MYT1L: variants seen among roughly 807,000 people sequenced by gnomAD.
The protein encoded by MYT1L is myelin transcription factor 1 like, also known as myelin transcription factor 1-like protein.
MYT1L carries 12 observed loss-of-function variants against 126.7 expected under a neutral mutation model. The ratio of observed to expected loss-of-function variants is 0.09; its 90% CI spans 0.06 to 0.15. The LOEUF is 0.15. Ranked by LOEUF, MYT1L falls within the 10% of genes least tolerant of loss-of-function variation. The pLI, the probability that MYT1L is intolerant of heterozygous loss-of-function variation, is 1.00. For missense variants in MYT1L, 979 were observed against 1,585.2 expected (o/e 0.62, Z 6.49); for synonymous variants, 541 against 604.2 (o/e 0.90, Z 1.53).
intron 3 of MYT1L, among the ~76,000 whole-genome samples, chr2:2,148,260 G>C (rs2085196831): frequency 1.3e-5 from 2 of 152,252 alleles, no homozygotes. Flanking sequence ...TCCATGGACA[G>C]TGACGGGGTG....
intron 2 of MYT1L, among the ~76,000 whole-genome samples, chr2:2,278,159 C>G (rs905840927): frequency 3.9e-5 from 6 of 152,104 alleles, no homozygotes; most frequent in African/African-American, 1.4e-4. Context: ...GTGCTGTGTA[C>G]GAGGCACTAA....
intron 4 of MYT1L, among the ~76,000 whole-genome samples, chr2:2,030,834 AC>A (rs1245721979): frequency 6.6e-6 from 1 of 152,180 alleles, no homozygotes; most frequent in South Asian, 2.1e-4. Context: ...TCCTATTTTG[AC>A]TTCTAACTAG....
intron 3 of MYT1L, among the ~76,000 whole-genome samples, chr2:2,084,237 G>A (rs537145811): frequency 6.6e-6 from 1 of 152,210 alleles, no homozygotes; most frequent in Non-Finnish European, 1.5e-5. Flanking sequence ...ACTCATTTTA[G>A]TATAGACTGA....
intron 2 of MYT1L, among the ~76,000 whole-genome samples, chr2:2,216,063 C>G (rs2093668380): frequency 1.1e-5 from 1 of 93,718 alleles, no homozygotes; most frequent in Non-Finnish European, 2.4e-5. Flanking sequence ...CTCTCTCTCT[C>G]TCAGTTCCAC....
intron 1 of MYT1L, among the ~76,000 whole-genome samples, chr2:2,320,478 G>GA (rs111423007): frequency 0.24 from 31,912 of 130,734 alleles, 3,734 homozygotes; most frequent in South Asian, 0.3. Context: ...CTAAGTCCTA[G>GA]AAAAAAAAAA....
chr2:2,124,462 A>G (rs1323946293), intron 3 of MYT1L, among the ~76,000 whole-genome samples: 2 of 151,736 alleles, frequency 1.3e-5, no homozygotes, highest in Non-Finnish European at 2.9e-5. Context: ...CACCTGGCTG[A>G]TTTTGGTATT....
At chr2:1,810,041 C>G (rs773955918) in intron 21 of MYT1L, 4 of 152,062 alleles carry the variant, frequency 2.6e-5, no homozygotes, top group Non-Finnish European at 5.9e-5. Flanking sequence ...CCTGGACGTG[C>G]TGGTCAACTG....
chr2:1,821,215 T>C (rs1226744944), intron 21 of MYT1L, among the ~76,000 whole-genome samples: 1 of 152,170 alleles, frequency 6.6e-6, no homozygotes, highest in Non-Finnish European at 1.5e-5. Flanking sequence ...TTCCTTGTTT[T>C]CTTTCTTTGG....
intron 1 of MYT1L, among the ~76,000 whole-genome samples, chr2:2,329,512 T>C (rs1388082207): frequency 6.6e-6 from 1 of 152,214 alleles, no homozygotes; most frequent in African/African-American, 2.4e-5. Flanking sequence ...ATAATCTTCA[T>C]AATCTATCAG....
chr2:1,911,909 G>T, intron 12 of MYT1L, 111 bp downstream of exon 12: 1 of 753,402 alleles, frequency 1.3e-6, no homozygotes. Context: ...GCCCGCACTT[G>T]GGGAGCACGG....
At chr2:2,172,352 C>A (rs1015908722) in intron 3 of MYT1L, among the ~76,000 whole-genome samples, 6 of 152,124 alleles carry the variant, frequency 3.9e-5, no homozygotes, top group Non-Finnish European at 8.8e-5. Context: ...ACTGGCCACC[C>A]CGAGGCATCC....
At chr2:1,916,966 C>T (rs2052929487) in intron 11 of MYT1L, among the ~76,000 whole-genome samples, 1 of 152,216 alleles carries the variant, frequency 6.6e-6, no homozygotes, top group African/African-American at 2.4e-5. Context: ...GGACTAGAAC[C>T]CAGGCCTGTG....
At chr2:2,286,216 C>T (rs199584961) in intron 1 of MYT1L, among the ~76,000 whole-genome samples, 6 of 152,102 alleles carry the variant, frequency 3.9e-5, no homozygotes, top group African/African-American at 9.7e-5. Flanking sequence ...CTCCTGACCT[C>T]GTGATCCACC....
intron 3 of MYT1L, among the ~76,000 whole-genome samples, chr2:2,142,192 T>C (rs550824001): frequency 1.3e-5 from 2 of 152,302 alleles, no homozygotes; most frequent in South Asian, 4.1e-4. Flanking sequence ...AATCCTTTCC[T>C]AGACTCAGCA....
intron 2 of MYT1L, among the ~76,000 whole-genome samples, chr2:2,198,466 C>T (rs1294288041): frequency 6.6e-6 from 1 of 152,144 alleles, no homozygotes; most frequent in Non-Finnish European, 1.5e-5. Context: ...AAATGATGGA[C>T]ATGGTAACTT....
chr2:2,289,219 A>G (rs1279384482), intron 1 of MYT1L, among the ~76,000 whole-genome samples: 1 of 152,124 alleles, frequency 6.6e-6, no homozygotes, highest in Non-Finnish European at 1.5e-5. Flanking sequence ...GGGTGGGAAT[A>G]CCCTCTGTTA....
In MYT1L at chr2:2,105,010, T is replaced by C. The variant is rs77208965; in HGVS notation, c.-303-50887A>G. ...CTACTGAAAATAATAGATTGGATCA[T>C]AGCAGTAACCTTTTTATGATTGGAA... is the stretch of plus-strand genomic sequence containing the variant. On this transcript the variant is annotated intron_variant, in intron 3 of 24. Coordinates refer to ENST00000647738, the MANE Select transcript of MYT1L (RefSeq NM_001303052.2). Among the ~76,000 whole-genome samples the C allele has an allele frequency of 5.6e-3, 854 of 152,344 alleles. 7 individuals are homozygous for C. The highest frequency in any genetic ancestry group is 0.02 in the African/African-American group (822 of 41,588).
At chr2:2,215,813 C>T (rs933775405) in intron 2 of MYT1L, among the ~76,000 whole-genome samples, 2 of 152,056 alleles carry the variant, frequency 1.3e-5, no homozygotes, top group African/African-American at 4.8e-5. Context: ...TGAATTGCAT[C>T]CCCCAGTGTT....
intron 3 of MYT1L, among the ~76,000 whole-genome samples, chr2:2,144,246 A>G (rs1446266388): frequency 6.6e-6 from 1 of 152,076 alleles, no homozygotes; most frequent in African/African-American, 2.4e-5. Context: ...TCAGCTTCCC[A>G]GGACTAAGGC....
Sources: allele counts gnomAD v4.1 joint callset (sites outside exome capture counted in the v4.1 genomes callset), GRCh38; gene constraint gnomAD v4.1.1; transcripts MANE v1.5; gene names NCBI Gene and HGNC (gene_info 2026-07-23, HGNC 2026-07-21).